The following DLG1 variants were observed in gnomAD, a reference collection of about 807,000 sequenced individuals.
DLG1 encodes the protein disks large homolog 1.
DLG1 carries 42 observed loss-of-function variants against 123.4 expected under a neutral mutation model. The ratio of observed to expected loss-of-function variants is 0.34; its 90% CI spans 0.27 to 0.44. DLG1 has a LOEUF of 0.44. DLG1 is among the 20% of genes least tolerant of loss of function. The pLI is 1.00. For missense variants in DLG1, 942 were observed against 1,082.6 expected (o/e 0.87, Z 1.82); for synonymous variants, 317 against 356.2 (o/e 0.89, Z 1.24).
chr3:197,235,540 A>T (rs1363618422), intron 4 of DLG1, among the ~76,000 whole-genome samples: 2 of 152,248 alleles, frequency 1.3e-5, no homozygotes, highest in Non-Finnish European at 2.9e-5. Context: ...ACACTCCTAG[A>T]CAGTCAAGCC....
chr3:197,069,444 G>A (rs1482803531), intron 18 of DLG1, 184 bp from the exon 19 acceptor site: 1 of 421,986 alleles, frequency 2.4e-6, no homozygotes, highest in African/African-American at 2.1e-5. Flanking sequence ...GAAAACTCCT[G>A]TAATTAAGGA....
intron 4 of DLG1, among the ~76,000 whole-genome samples, chr3:197,248,169 C>T (rs1259053675): frequency 6.6e-6 from 1 of 152,184 alleles, no homozygotes; most frequent in African/African-American, 2.4e-5. Context: ...GCTTTTCTTA[C>T]CTTGGTATGT....
chr3:197,184,110 A>G, intron 5 of DLG1: 1 of 1,141,166 alleles, frequency 8.8e-7, no homozygotes, highest in Non-Finnish European at 1.1e-6. Flanking sequence ...AGGAACCAAA[A>G]GCTGTTCTTT....
At chr3:197,271,477 A>C (rs958524435) in intron 4 of DLG1, among the ~76,000 whole-genome samples, 2 of 152,234 alleles carry the variant, frequency 1.3e-5, no homozygotes, top group Non-Finnish European at 2.9e-5. Context: ...AACTCTCTAA[A>C]TAAATTAATA....
At chr3:197,073,315 T>C (rs1745234219) in intron 18 of DLG1, among the ~76,000 whole-genome samples, 1 of 152,198 alleles carries the variant, frequency 6.6e-6, no homozygotes, top group African/African-American at 2.4e-5. Context: ...TGGAAAGTTG[T>C]AAAAATGGAA....
At chr3:197,103,013 C>T (rs1157295151) in intron 14 of DLG1, among the ~76,000 whole-genome samples, 2 of 152,302 alleles carry the variant, frequency 1.3e-5, no homozygotes, top group Middle Eastern at 3.4e-3. Flanking sequence ...CAGAGGCAGG[C>T]TGCTTTATCC....
At chr3:197,056,710 C>T (rs190541479) in intron 23 of DLG1, among the ~76,000 whole-genome samples, 153 of 152,258 alleles carry the variant, frequency 1.0e-3, no homozygotes, top group African/African-American at 3.4e-3. Flanking sequence ...TTAGAAAAAT[C>T]GTATCATACA....
At chr3:197,247,529 T>C (rs535424442) in intron 4 of DLG1, among the ~76,000 whole-genome samples, 15 of 152,252 alleles carry the variant, frequency 9.9e-5, no homozygotes. Flanking sequence ...ATCTATTTTC[T>C]CCTGGGAAAC....
intron 17 of DLG1, among the ~76,000 whole-genome samples, chr3:197,080,228 A>T (rs1750013739): frequency 6.7e-6 from 1 of 148,678 alleles, no homozygotes; most frequent in African/African-American, 2.5e-5. Flanking sequence ...AAAAATAAAT[A>T]CACTTCTAAA....
At chr3:197,164,607 T>G (rs1175355045) in intron 5 of DLG1, among the ~76,000 whole-genome samples, 1 of 151,660 alleles carries the variant, frequency 6.6e-6, no homozygotes, top group African/African-American at 2.4e-5. Context: ...AAATGAAAAC[T>G]CTATGAGATT....
intron 5 of DLG1, among the ~76,000 whole-genome samples, chr3:197,189,327 A>C (rs1448071515): frequency 6.6e-6 from 1 of 152,250 alleles, no homozygotes; most frequent in Non-Finnish European, 1.5e-5. Context: ...AAAGTTTTTA[A>C]AGTTTAAATT....
chr3:197,281,882 T>C (rs2151148109), intron 4 of DLG1, among the ~76,000 whole-genome samples: 1 of 152,334 alleles, frequency 6.6e-6, no homozygotes, highest in South Asian at 2.1e-4. Context: ...TGAGAAGCCA[T>C]CTAACTTCTT....
intron 6 of DLG1, among the ~76,000 whole-genome samples, chr3:197,146,397 A>C (rs979546009): frequency 5.3e-5 from 8 of 152,238 alleles, no homozygotes; most frequent in Non-Finnish European, 8.8e-5. Flanking sequence ...ACCTGACTCC[A>C]AACTATACTA....
chr3:197,188,214 T>C (rs1216514327), intron 5 of DLG1, among the ~76,000 whole-genome samples: 3 of 152,234 alleles, frequency 2.0e-5, no homozygotes, highest in Non-Finnish European at 4.4e-5. Flanking sequence ...TACAGTTTCT[T>C]GTGATTGTCA....
At chr3:197,101,390 CTTT>C (rs11368400) in intron 14 of DLG1, among the ~76,000 whole-genome samples, 1 of 146,310 alleles carries the variant, frequency 6.8e-6, no homozygotes, top group Non-Finnish European at 1.5e-5. Context: ...ACAGGAGATT[CTTT>C]TTTTTTTTTT....
At chr3:197,123,455 T>C (rs955353433) in intron 11 of DLG1, among the ~76,000 whole-genome samples, 4 of 152,128 alleles carry the variant, frequency 2.6e-5, no homozygotes, top group African/African-American at 4.8e-5. Context: ...AGACATTGCA[T>C]TGAACAAGAG....
rs200376000 is a variant in DLG1 at position 197,077,338 on chromosome 3, GCA to G, written c.1906-655_1906-654del. Among the ~76,000 whole-genome samples, 281 of 152,120 alleles carry G rather than the reference GCA, an allele frequency of 1.8e-3. 5 individuals carry two copies. The East Asian group carries it at 0.025, about 14-fold the overall frequency. On this transcript the variant is annotated intron_variant, in intron 17 of 24. Transcript: ENST00000667157. ...GGAAGAAAACTAAAAGGTCCATCAA[GCA>G]CACAGAGTCCAGCAAGAGACTTATC...
At position 197,115,981 on chromosome 3, in the gene DLG1, G is replaced by A. The variant is rs767244855; in HGVS notation, c.1389C>T (p.Ala463=). 28 of 1,612,650 alleles carry A rather than the reference G, an allele frequency of 1.7e-5. No individual in the cohort carries two copies. Among genetic ancestry groups the A allele is most frequent in the East Asian group, 4.5e-5 (2 of 44,670 alleles). Reference sequence around the variant, plus strand: ...CTCCACTTAGATCAGCAGGTCCTCCGGCTAAGATAAAGGAAATAAATATTC... The same window carrying A: ...CTCCACTTAGATCAGCAGGTCCTCCAGCTAAGATAAAGGAAATAAATATTC... ...GEGIFISFIL[A]GGPADLSGEL... is the part of the protein sequence containing the mutation. The change falls in exon 13 of 25, where the codon GCC becomes GCT. Residue 463 remains alanine (A), a synonymous_variant. Transcript: ENST00000667157.
At chr3:197,119,038 G>A (rs2149429985) in intron 12 of DLG1, among the ~76,000 whole-genome samples, 1 of 152,018 alleles carries the variant, frequency 6.6e-6, no homozygotes, top group East Asian at 1.9e-4. Flanking sequence ...ATTGAATTCT[G>A]AACACAAATC....
Sources: gnomAD v4.1 joint callset for allele counts (sites outside exome capture counted in the v4.1 genomes callset) on GRCh38, gnomAD v4.1.1 for gene constraint, MANE v1.5 for transcripts, NCBI Gene and HGNC (gene_info 2026-07-23, HGNC 2026-07-21) for gene names.